The following HABP2 variants were observed in gnomAD, a reference collection of about 807,000 sequenced individuals.
The protein encoded by HABP2 is factor VII-activating protease.
Under a neutral mutation model 66.5 loss-of-function variants are expected in HABP2, and 65 were observed. The ratio of observed to expected loss-of-function variants is 0.98; its 90% CI spans 0.80 to 1.20. The LOEUF (loss-of-function observed/expected upper bound fraction) is 1.20. Among genes scored for constraint, HABP2 ranks in the 50% most tolerant of loss-of-function variants. The pLI is 0.00. For missense variants in HABP2, 786 were observed against 691.0 expected, an observed-to-expected ratio of 1.14 and a Z score of -1.54; for synonymous variants, 263 against 253.9, an observed-to-expected ratio of 1.04 and a Z score of -0.34.
chr10:113,557,989 G>C (rs1407963069), intron 1 of HABP2, among the ~76,000 whole-genome samples: 5 of 152,188 alleles, frequency 3.3e-5, no homozygotes, highest in Non-Finnish European at 1.5e-5. Context: ...CCAACGCCTA[G>C]TTCTATGCTC....
At chr10:113,587,184 G>A (rs1409599015) in intron 12 of HABP2, among the ~76,000 whole-genome samples, 1 of 152,174 alleles carries the variant, frequency 6.6e-6, no homozygotes, top group Non-Finnish European at 1.5e-5. Context: ...GGTGGACATG[G>A]TGGCACATGC....
intron 2 of HABP2, among the ~76,000 whole-genome samples, chr10:113,573,320 C>G (rs1381065868): frequency 6.6e-6 from 1 of 152,186 alleles, no homozygotes; most frequent in Admixed American, 6.5e-5. Context: ...TCCCAATGAC[C>G]AGTCTAGTGT....
Position 113,567,440 on chromosome 10 carries a change from G to A in HABP2, c.70-49G>A, listed in dbSNP as rs372562455. 6.1e-5 allele frequency: 90 copies of A among 1,484,802 alleles called. No homozygotes were observed. In the African/African-American group the frequency reaches 8.3e-4, roughly 14 times the overall value. The allele number at this position is 1,484,802 out of a possible 1,614,324, so 92.0% of individuals were successfully genotyped here. A position where few individuals can be genotyped will look rare whatever the true frequency, so the allele number is the denominator to read the frequency against. The stretch of plus-strand genomic sequence containing the variant: ...TGGCTGACAGCTAAGGAGCACGCCC[G>A]GCAGAGCTCCATCTCAACGCTGATC... On this transcript the variant is annotated intron_variant, in intron 1 of 12. Transcript: ENST00000351270.
chr10:113,576,042 T>G, intron 4 of HABP2, 38 bp downstream of exon 4: 1 of 1,102,822 alleles, frequency 9.1e-7, no homozygotes, highest in Non-Finnish European at 1.4e-6. Context: ...TCCCTCTGAG[T>G]TAAACAAGAG....
At chr10:113,563,586 TC>T (rs1845140306) in intron 1 of HABP2, among the ~76,000 whole-genome samples, 1 of 149,108 alleles carries the variant, frequency 6.7e-6, no homozygotes, top group Non-Finnish European at 1.5e-5. Flanking sequence ...GTCTCGGCTT[TC>T]TTTTTGTTTG....
upstream of HABP2, among the ~76,000 whole-genome samples, chr10:113,552,518 A>G (rs1844916483): frequency 6.6e-6 from 1 of 152,232 alleles, no homozygotes; most frequent in Non-Finnish European, 1.5e-5. Flanking sequence ...AGTCTTACCT[A>G]ATGAGGTTTA....
chr10:113,558,249 G>A (rs1256137330), intron 1 of HABP2, among the ~76,000 whole-genome samples: 1 of 152,232 alleles, frequency 6.6e-6, no homozygotes, highest in Non-Finnish European at 1.5e-5. Flanking sequence ...CAAAACTTCA[G>A]TCATGAATGA....
At chr10:113,573,237 C>G (rs1845345805) in intron 2 of HABP2, among the ~76,000 whole-genome samples, 1 of 152,222 alleles carries the variant, frequency 6.6e-6, no homozygotes, top group African/African-American at 2.4e-5. Flanking sequence ...ACAGAGCTAC[C>G]AGGATCTCCC....
Position 113,582,283 on chromosome 10 carries a change from A to G in HABP2, c.1094+152A>G, listed in dbSNP as rs142008869. 8.2e-4 allele frequency: 530 copies of G among 648,990 alleles called. 3 individuals carry two copies. The African/African-American group carries it at 9.1e-3, about 11-fold the overall frequency. 40.2% of individuals were successfully genotyped at this position (648,990 alleles called of 1,614,324 possible). On this transcript the variant is annotated intron_variant, in intron 9 of 12. Transcript: ENST00000351270. ...AAGGGCTCCTGAAAGCCAGAGGGAA[A>G]ATAGCTACCATGTCTGGAATGTTTA...
chr10:113,575,823 G>C, intron 3 of HABP2, 74 bp from the exon 4 acceptor site: 1 of 804,148 alleles, frequency 1.2e-6, no homozygotes, highest in Admixed American at 2.0e-5. Flanking sequence ...ACTGAAATTT[G>C]ATGAAAAATT....
Position 113,567,515 on chromosome 10 carries a change from C to T in HABP2, c.96C>T (p.Ser32=). The T allele has an allele frequency of 6.2e-7, 1 of 1,611,804 alleles. No individual in the cohort carries two copies. The highest frequency in any genetic ancestry group is 8.5e-7 in the Non-Finnish European group (1 of 1,177,858). The change falls in exon 2 of 13, where the codon AGC becomes AGT. Residue 32 remains serine, a synonymous_variant. Coordinates refer to ENST00000351270, the MANE Select transcript of HABP2 (RefSeq NM_004132.5). ...TCTCCCTGATGTCTTTATTGGAAAG[C>T]CTGGACCCAGGTAAGTGTGCTGATC... ...CGFSLMSLLE[S]LDPDWTPDQY... is the part of the protein sequence containing the mutation.
intron 2 of HABP2, 149 bp downstream of exon 2, chr10:113,567,674 A>G: frequency 1.5e-6 from 1 of 675,946 alleles, no homozygotes; most frequent in Non-Finnish European, 2.7e-6. Context: ...ACTTGCCCTC[A>G]AAATTTGTGC....
At chr10:113,587,722 C>G (rs11575786) in intron 12 of HABP2, among the ~76,000 whole-genome samples, 12 of 152,166 alleles carry the variant, frequency 7.9e-5, no homozygotes, top group Admixed American at 4.6e-4. Context: ...TCACAAGAAC[C>G]CTGGGGGATG....
rs548354451 is a variant in HABP2 at position 113,580,670 on chromosome 10, T to A, written c.816T>A (p.Asp272Glu). The change falls in exon 8 of 13, where the codon GAT becomes GAA. Residue 272 changes from aspartate to glutamate, a missense_variant. Transcript: ENST00000351270. ...TNDKVKWEYC[D>E]VSACSAQDVA... ...ACAAGGTGAAATGGGAATACTGTGATGTCTCAGCCTGCTCAGCCCAGGGTA... is the reference window on the plus strand; with the variant it reads ...ACAAGGTGAAATGGGAATACTGTGAAGTCTCAGCCTGCTCAGCCCAGGGTA... 30 of 1,582,852 alleles carry A rather than the reference T, an allele frequency of 1.9e-5. 1 individual carries two copies. In the South Asian group the frequency reaches 2.1e-4, roughly 11 times the overall value.
chr10:113,583,196 C>T lies in HABP2; in HGVS notation c.1095-20C>T. 1 of 1,612,274 alleles carries T rather than the reference C, an allele frequency of 6.2e-7. No homozygotes were observed. Among genetic ancestry groups the T allele is most frequent in the Non-Finnish European group, 8.5e-7 (1 of 1,179,032 alleles). On this transcript the variant is annotated intron_variant, in intron 9 of 12. Transcript: ENST00000351270. ...TGAGCAGAAACAGTGCCTTCCTGACCATCTCATTTTCCCTTGCAGCATAAA... is the reference window on the plus strand; with the variant it reads ...TGAGCAGAAACAGTGCCTTCCTGACTATCTCATTTTCCCTTGCAGCATAAA...
At chr10:113,580,720 A>C in intron 8 of HABP2, 28 bp downstream of exon 8, 5 of 1,167,216 alleles carry the variant, frequency 4.3e-6, no homozygotes, top group African/African-American at 1.5e-5. Context: ...TCAGAAGCCC[A>C]GGGGGTGGGG....
chr10:113,553,668 G>T (rs1844939670), intron 1 of HABP2, among the ~76,000 whole-genome samples: 1 of 152,242 alleles, frequency 6.6e-6, no homozygotes, highest in Admixed American at 6.5e-5. Context: ...TCCTGGCAGT[G>T]GGTCTGCATA....
intron 1 of HABP2, among the ~76,000 whole-genome samples, chr10:113,560,025 C>T (rs573253078): frequency 6.6e-6 from 1 of 152,220 alleles, no homozygotes; most frequent in African/African-American, 2.4e-5. Context: ...AGGGTCTGAG[C>T]CAGTTCCTCT....
upstream of HABP2, among the ~76,000 whole-genome samples, chr10:113,551,369 G>C (rs1398748315): frequency 7.9e-5 from 12 of 152,172 alleles, no homozygotes; most frequent in Admixed American, 7.9e-4. Context: ...GTAATGTTTG[G>C]GCTAAGAGAT....
Sources: gnomAD v4.1 joint callset for allele counts (sites outside exome capture counted in the v4.1 genomes callset) on GRCh38, gnomAD v4.1.1 for gene constraint, MANE v1.5 for transcripts, NCBI Gene and HGNC (gene_info 2026-07-23, HGNC 2026-07-21) for gene names.